Variants in NTRK3 observed in about 807,000 individuals in gnomAD.
NTRK3 encodes neurotrophic receptor tyrosine kinase 3.
A neutral mutation model predicts 91.7 loss-of-function variants in NTRK3; 24 were observed. The ratio of observed to expected loss-of-function variants is 0.26; its 90% confidence interval spans 0.19 to 0.37. NTRK3 has a LOEUF of 0.37. Ranked by LOEUF, NTRK3 falls within the 10% of genes least tolerant of loss-of-function variation. The pLI is 1.00. For missense variants in NTRK3, 880 were observed against 1,068.9 expected (o/e 0.82, Z 2.46); for synonymous variants, 483 against 404.0 (o/e 1.20, Z -2.34).
At chr15:88,175,415 G>C (rs2045908418) in intron 5 of NTRK3, among the ~76,000 whole-genome samples, 1 of 152,128 alleles carries the variant, frequency 6.6e-6, no homozygotes, top group African/African-American at 2.4e-5. Context: ...AAGAGATAGA[G>C]CAATAGATAT....
intron 14 of NTRK3, among the ~76,000 whole-genome samples, chr15:87,951,420 T>G (rs999799507): frequency 2.0e-5 from 3 of 152,208 alleles, no homozygotes; most frequent in African/African-American, 7.2e-5. Context: ...TCAATTTTTA[T>G]GTGATAGGAT....
exon 4 of NTRK3, chr15:88,184,251 C>T (rs368510978): frequency 1.6e-5 from 26 of 1,596,868 alleles, no homozygotes; most frequent in Non-Finnish European, 2.2e-5. Flanking sequence ...TGTAGAGCTC[C>T]ATGTCCACGG....
intron 13 of NTRK3, among the ~76,000 whole-genome samples, chr15:88,056,912 T>A (rs181918245): frequency 2.0e-5 from 3 of 152,294 alleles, no homozygotes; most frequent in African/African-American, 7.2e-5. Context: ...GGCTCACGCC[T>A]GTAATCCCAG....
intron 13 of NTRK3, among the ~76,000 whole-genome samples, chr15:88,071,049 T>C (rs1167634640): frequency 6.6e-6 from 1 of 152,212 alleles, no homozygotes; most frequent in Non-Finnish European, 1.5e-5. Context: ...ATGATCTGAT[T>C]AGGGTTCAAT....
At chr15:87,943,462 T>A (rs1229206097) in intron 14 of NTRK3, among the ~76,000 whole-genome samples, 3 of 152,082 alleles carry the variant, frequency 2.0e-5, no homozygotes, top group Admixed American at 2.0e-4. Context: ...TCTCTTGCCT[T>A]CTTATGTTCT....
chr15:88,148,132 C>T (rs1326977494), intron 5 of NTRK3, among the ~76,000 whole-genome samples: 2 of 152,224 alleles, frequency 1.3e-5, no homozygotes, highest in Admixed American at 1.3e-4. Context: ...GAACAAATGG[C>T]AGTGCTGATT....
exon 12 of NTRK3, chr15:88,127,172 T>C: frequency 6.2e-7 from 1 of 1,613,870 alleles, no homozygotes. Context: ...CCCAAAAGTG[T>C]CTTCTTCTGG....
intron 3 of NTRK3, among the ~76,000 whole-genome samples, chr15:88,213,346 C>G (rs981530245): frequency 1.4e-4 from 21 of 152,172 alleles, no homozygotes; most frequent in African/African-American, 5.1e-4. Context: ...CTGGGTTCTC[C>G]CACTTTCTAT....
At position 88,234,556 on chromosome 15, in the gene NTRK3, G is replaced by A. The variant is rs922144227; in HGVS notation, c.248+21350C>T. ...CTAGCTCTCCATCGCCTCTGCCCTC[G>A]CCATGTTGCTAGTGCCTGCTCATCC... On this transcript the variant is annotated intron_variant, in intron 3 of 18. Coordinates refer to ENST00000394480, the Ensembl canonical transcript of NTRK3. The surrounding 1 kb of genome is among the most constrained non-coding windows in gnomAD (Gnocchi z 6.1). 2.0e-5 allele frequency among the ~76,000 whole-genome samples: 3 copies of A among 152,022 alleles called. No homozygotes were observed. Among genetic ancestry groups the A allele is most frequent in the Admixed American group, 6.6e-5 (1 of 15,266 alleles).
chr15:88,017,699 AC>A (rs1358238665), intron 14 of NTRK3, among the ~76,000 whole-genome samples: 1 of 152,090 alleles, frequency 6.6e-6, no homozygotes, highest in Non-Finnish European at 1.5e-5. Context: ...GAGAGGGGTC[AC>A]CCAGAGATGA....
chr15:88,135,718 T>C (rs1243700358), intron 9 of NTRK3, among the ~76,000 whole-genome samples, 181 bp downstream of exon 9: 1 of 152,222 alleles, frequency 6.6e-6, no homozygotes, highest in African/African-American at 2.4e-5. Flanking sequence ...AAAGGTGCTC[T>C]TTCTGGGGTT....
At chr15:88,001,591 G>T (rs893108045) in intron 14 of NTRK3, among the ~76,000 whole-genome samples, 46 of 152,110 alleles carry the variant, frequency 3.0e-4, no homozygotes, top group Admixed American at 2.5e-3. Flanking sequence ...TTGTTTAAAA[G>T]ACTATTATAT....
At chr15:87,998,952 G>A (rs957115547) in intron 14 of NTRK3, among the ~76,000 whole-genome samples, 2 of 152,094 alleles carry the variant, frequency 1.3e-5, no homozygotes, top group African/African-American at 4.8e-5. Flanking sequence ...AGGCCCCAGA[G>A]GTGATGTACT....
At chr15:87,955,836 T>G (rs2071598884) in intron 14 of NTRK3, among the ~76,000 whole-genome samples, 1 of 152,162 alleles carries the variant, frequency 6.6e-6, no homozygotes, top group Non-Finnish European at 1.5e-5. Flanking sequence ...GGGTCACATG[T>G]TGGTTCAATC....
chr15:87,925,131 T>C (rs1488114751), intron 17 of NTRK3, among the ~76,000 whole-genome samples: 1 of 152,154 alleles, frequency 6.6e-6, no homozygotes, highest in African/African-American at 2.4e-5. Flanking sequence ...CTTGGAAGCA[T>C]TGAGTCAGTG....
chr15:88,138,898 C>A (rs1401132518), intron 6 of NTRK3, among the ~76,000 whole-genome samples: 1 of 152,166 alleles, frequency 6.6e-6, no homozygotes, highest in Non-Finnish European at 1.5e-5. Flanking sequence ...CATATAAATT[C>A]TTGTTAAAGG....
intron 13 of NTRK3, among the ~76,000 whole-genome samples, chr15:88,081,891 T>G (rs2048077165): frequency 1.3e-5 from 2 of 152,198 alleles, no homozygotes; most frequent in Admixed American, 6.5e-5. Flanking sequence ...TCAACTCTGC[T>G]GTGGCCCTCT....
intron 14 of NTRK3, among the ~76,000 whole-genome samples, chr15:87,982,668 T>C (rs1379837168): frequency 1.3e-5 from 2 of 152,200 alleles, no homozygotes; most frequent in Non-Finnish European, 2.9e-5. Flanking sequence ...TGAGCACCCA[T>C]ACGATTGGAT....
chr15:88,122,486 A>G (rs565989859), intron 13 of NTRK3, among the ~76,000 whole-genome samples: 2 of 152,302 alleles, frequency 1.3e-5, no homozygotes, highest in South Asian at 4.1e-4. Context: ...GGGGATGGGA[A>G]TAGGACCAGG....
Sources: gnomAD v4.1 joint callset for allele counts (sites outside exome capture counted in the v4.1 genomes callset) on GRCh38, gnomAD v4.1.1 for gene constraint, Gnocchi (gnomAD v3.1) non-coding constraint, MANE v1.5 for transcripts, NCBI Gene and HGNC (gene_info 2026-07-23, HGNC 2026-07-21) for gene names.